CDC73: variants seen among roughly 807,000 people sequenced by gnomAD.
CDC73 encodes the protein cell division cycle 73.
Under a neutral mutation model 83.7 loss-of-function variants are expected in CDC73, and 21 were observed. That is an observed-to-expected ratio of 0.25 (90% CI 0.18 to 0.36). The LOEUF (loss-of-function observed/expected upper bound fraction) is 0.36. Ranked by LOEUF, CDC73 falls within the 10% of genes least tolerant of loss-of-function variation. CDC73 has a pLI of 1.00. For synonymous variants in CDC73, 224 were observed against 212.9 expected, an observed-to-expected ratio of 1.05 and a Z score of -0.45; for missense variants, 342 against 653.3, an observed-to-expected ratio of 0.52 and a Z score of 5.19.
chr1:193,142,646 T>TCTCCTCCCGTTTCCCTCTCTTC (rs1365598819), intron 7 of CDC73, among the ~76,000 whole-genome samples: 15 of 152,120 alleles, frequency 9.9e-5, no homozygotes, highest in Non-Finnish European at 1.5e-4. Flanking sequence ...TTTCTCTCTT[T>TCTCCTCCCGTTTCCCTCTCTTC]CTCCTCCCGT....
intron 10 of CDC73, among the ~76,000 whole-genome samples, chr1:193,169,952 C>G (rs562170551): frequency 2.6e-5 from 4 of 152,262 alleles, no homozygotes; most frequent in African/African-American, 7.2e-5. Context: ...TCTCTCTGCT[C>G]TCCACCCTCC....
At chr1:193,181,182 A>G (rs761969815) in intron 10 of CDC73, 1 of 1,613,870 alleles carries the variant, frequency 6.2e-7, no homozygotes, top group Non-Finnish European at 8.5e-7. Flanking sequence ...GATGTCCAGT[A>G]CCTTTTTCAT....
chr1:193,122,136 G>A lies in CDC73; in HGVS notation c.-65G>A, dbSNP rs1675459283. On this transcript the variant is annotated 5_prime_UTR_variant, in exon 1 of 17. Transcript: ENST00000367435. ...GGAGGAAGAGGGCGAGGCGACAAGA[G>A]AAGAAGGAGGCAGGCGCGGCGGCAG... 2 of 1,535,868 alleles carry A rather than the reference G, an allele frequency of 1.3e-6. No homozygotes were observed. Among genetic ancestry groups the A allele is most frequent in the Non-Finnish European group, 1.8e-6 (2 of 1,110,266 alleles).
intron 14 of CDC73, among the ~76,000 whole-genome samples, chr1:193,234,369 A>ATTATAG (rs1677723456): frequency 9.8e-6 from 1 of 101,994 alleles, no homozygotes; most frequent in Non-Finnish European, 2.1e-5. Flanking sequence ...TAAAATTATA[A>ATTATAG]TTCTTCTCTG....
chr1:193,214,851 A>G (rs1396057339), intron 13 of CDC73, among the ~76,000 whole-genome samples: 2 of 152,256 alleles, frequency 1.3e-5, no homozygotes, highest in African/African-American at 2.4e-5. Context: ...ACTATGAGAC[A>G]GATTCAGATG....
chr1:193,239,440 A>G (rs997062312), intron 15 of CDC73, among the ~76,000 whole-genome samples: 2 of 152,188 alleles, frequency 1.3e-5, no homozygotes, highest in African/African-American at 4.8e-5. Context: ...AATGTTGCAT[A>G]ATTATAATGA....
chr1:193,176,315 A>G (rs989761168), intron 10 of CDC73, among the ~76,000 whole-genome samples: 1 of 152,160 alleles, frequency 6.6e-6, no homozygotes, highest in East Asian at 1.9e-4. Context: ...CATCAACTCC[A>G]TTATGTTGTA....
chr1:193,220,625 G>A (rs999227757), intron 13 of CDC73, among the ~76,000 whole-genome samples: 1 of 151,986 alleles, frequency 6.6e-6, no homozygotes, highest in Non-Finnish European at 1.5e-5. Context: ...TAGGTATCCC[G>A]GCACATACAA....
intron 11 of CDC73, 21 bp downstream of exon 11, chr1:193,203,873 T>C (rs1337757051): frequency 1.2e-6 from 2 of 1,610,148 alleles, no homozygotes; most frequent in East Asian, 4.5e-5. Flanking sequence ...AGAACTTTGC[T>C]TTTTGTTTTC....
rs142243067 is a variant in CDC73, at chr1:193,191,151, T to C, written c.973-12644T>C. ...GAATTATCTAGAAATGTAACTACAG[T>C]GTACAGTGAGGGAAGCTTGTACTTT... is the stretch of plus-strand genomic sequence containing the variant. On this transcript the variant is annotated intron_variant, in intron 10 of 16. Coordinates refer to ENST00000367435, the MANE Select transcript of CDC73 (RefSeq NM_024529.5). 2.5e-3 allele frequency among the ~76,000 whole-genome samples: 378 copies of C among 152,330 alleles called. 4 individuals are homozygous for C. The highest frequency in any genetic ancestry group is 8.3e-3 in the African/African-American group (344 of 41,580).
chr1:193,231,132 T>C (rs1677655839), intron 13 of CDC73, among the ~76,000 whole-genome samples: 2 of 152,214 alleles, frequency 1.3e-5, no homozygotes, highest in Admixed American at 1.3e-4. Context: ...CATTTGTATG[T>C]ATTTTGCATT....
intron 10 of CDC73, among the ~76,000 whole-genome samples, chr1:193,163,608 G>A (rs999950351): frequency 6.6e-6 from 1 of 152,102 alleles, no homozygotes; most frequent in African/African-American, 2.4e-5. Context: ...GTTAACTGCA[G>A]TAGACATAAA....
intron 7 of CDC73, among the ~76,000 whole-genome samples, chr1:193,146,638 C>G (rs887341274): frequency 6.6e-6 from 1 of 152,160 alleles, no homozygotes; most frequent in African/African-American, 2.4e-5. Context: ...CTAATCACCT[C>G]CTAAAGGCTC....
At chr1:193,204,977 CA>C (rs1413258132) in intron 11 of CDC73, among the ~76,000 whole-genome samples, 3 of 151,910 alleles carry the variant, frequency 2.0e-5, no homozygotes, top group African/African-American at 7.2e-5. Context: ...AATTCTGTAT[CA>C]TTTTTTTTTA....
intron 3 of CDC73, among the ~76,000 whole-genome samples, chr1:193,133,093 G>A (rs191121982): frequency 1.8e-3 from 267 of 151,742 alleles, no homozygotes; most frequent in African/African-American, 6.0e-3. Context: ...AGTAGAGACC[G>A]GGTTTCACTG....
intron 10 of CDC73, among the ~76,000 whole-genome samples, chr1:193,203,194 A>G (rs1677121361): frequency 6.6e-6 from 1 of 152,110 alleles, no homozygotes. Context: ...CCATATTTCC[A>G]TGTACATCTT....
At chr1:193,235,279 A>G (rs566672890) in intron 14 of CDC73, among the ~76,000 whole-genome samples, 13 of 151,964 alleles carry the variant, frequency 8.6e-5, no homozygotes, top group Admixed American at 6.6e-4. Context: ...CTGTACTTCT[A>G]CCTTCCTCCT....
intron 5 of CDC73, chr1:193,136,492 C>A (rs1003175044): frequency 3.5e-6 from 1 of 289,404 alleles, no homozygotes; most frequent in Non-Finnish European, 8.1e-6. Flanking sequence ...TGTATTAACT[C>A]ATGTAATCGT....
At chr1:193,232,683 A>C (rs1185799141) in intron 13 of CDC73, among the ~76,000 whole-genome samples, 1 of 152,136 alleles carries the variant, frequency 6.6e-6, no homozygotes. Context: ...CGGGTGGATC[A>C]CAAGGTCAGC....
Sources: gnomAD v4.1 joint callset for allele counts (sites outside exome capture counted in the v4.1 genomes callset) on GRCh38, gnomAD v4.1.1 for gene constraint, MANE v1.5 for transcripts, NCBI Gene and HGNC (gene_info 2026-07-23, HGNC 2026-07-21) for gene names.